SLC35F4: variants seen among roughly 807,000 people sequenced by gnomAD.
SLC35F4 encodes the protein solute carrier family 35 member F4.
In SLC35F4, 24 loss-of-function variants were observed where a neutral mutation model predicts 44.2. That is an observed-to-expected ratio of 0.54 (90% CI 0.39 to 0.76). SLC35F4 has a LOEUF of 0.76. Among genes scored for constraint, SLC35F4 ranks in the 30% least tolerant of loss-of-function variants. The probability of loss-of-function intolerance (pLI) is 0.00; values close to 1 mark genes in which losing one functional copy is unlikely to be tolerated. For synonymous variants in SLC35F4, 238 were observed against 223.6 expected, an observed-to-expected ratio of 1.06 and a Z score of -0.57; for missense variants, 562 against 586.1, an observed-to-expected ratio of 0.96 and a Z score of 0.42.
intron 1 of SLC35F4, among the ~76,000 whole-genome samples, chr14:57,615,272 A>G (rs1165127227): frequency 6.6e-6 from 1 of 152,230 alleles, no homozygotes; most frequent in Non-Finnish European, 1.5e-5. Context: ...AGACATTTCC[A>G]GGAAATATCA....
At chr14:57,741,098 A>G (rs1200440788) in intron 1 of SLC35F4, among the ~76,000 whole-genome samples, 1 of 152,228 alleles carries the variant, frequency 6.6e-6, no homozygotes, top group Non-Finnish European at 1.5e-5. Flanking sequence ...ATCATCAAAG[A>G]CCAAAGGTAG....
chr14:57,620,672 C>T (rs1566693826), intron 1 of SLC35F4, among the ~76,000 whole-genome samples: 1 of 152,106 alleles, frequency 6.6e-6, no homozygotes, highest in Admixed American at 6.5e-5. Context: ...TCATAGATAG[C>T]TCTTATTATT....
intron 1 of SLC35F4, among the ~76,000 whole-genome samples, chr14:57,885,357 A>C (rs981836663): frequency 6.6e-6 from 1 of 152,188 alleles, no homozygotes; most frequent in Non-Finnish European, 1.5e-5. Flanking sequence ...CTATGGAAGA[A>C]GCTTAGAACA....
chr14:57,574,139 T>C (rs1258329802), intron 4 of SLC35F4, among the ~76,000 whole-genome samples: 1 of 152,198 alleles, frequency 6.6e-6, no homozygotes, highest in East Asian at 1.9e-4. Flanking sequence ...ATCCCCAAGA[T>C]ATGACCACAG....
intron 1 of SLC35F4, among the ~76,000 whole-genome samples, chr14:57,672,509 C>G (rs1400918821): frequency 6.6e-6 from 1 of 151,988 alleles, no homozygotes; most frequent in African/African-American, 2.4e-5. Context: ...CCTACTAAGC[C>G]CACAAAGATA....
intron 3 of SLC35F4, among the ~76,000 whole-genome samples, chr14:57,584,574 T>A (rs74687675): frequency 9.9e-5 from 15 of 152,162 alleles, no homozygotes; most frequent in African/African-American, 3.4e-4. Flanking sequence ...TCAGAGATAG[T>A]ATTTTCTGCT....
chr14:57,884,091 T>C (rs1888597392), intron 1 of SLC35F4, among the ~76,000 whole-genome samples: 1 of 152,192 alleles, frequency 6.6e-6, no homozygotes, highest in South Asian at 2.1e-4. Context: ...TTGTACTAAA[T>C]TTTCTAAATT....
chr14:57,650,677 C>T (rs1333897528), intron 1 of SLC35F4, among the ~76,000 whole-genome samples: 2 of 152,174 alleles, frequency 1.3e-5, no homozygotes, highest in African/African-American at 4.8e-5. Flanking sequence ...ATACCATTCT[C>T]CTGCTTAGAT....
intron 1 of SLC35F4, among the ~76,000 whole-genome samples, chr14:57,796,948 C>A (rs1376718174): frequency 6.6e-6 from 1 of 152,208 alleles, no homozygotes; most frequent in Non-Finnish European, 1.5e-5. Flanking sequence ...GGTGAATGTG[C>A]TCTTGCCACT....
intron 1 of SLC35F4, among the ~76,000 whole-genome samples, chr14:57,811,447 C>G (rs1169081114): frequency 6.6e-6 from 1 of 152,228 alleles, no homozygotes; most frequent in East Asian, 1.9e-4. Flanking sequence ...TTAACAGATA[C>G]TGAACAAATA....
At chr14:57,636,451 C>A (rs1166458024) in intron 1 of SLC35F4, among the ~76,000 whole-genome samples, 1 of 152,094 alleles carries the variant, frequency 6.6e-6, no homozygotes, top group East Asian at 1.9e-4. Flanking sequence ...ATATACCCCA[C>A]TCCATGTTAT....
chr14:57,663,991 A>G (rs1044426886), intron 1 of SLC35F4, among the ~76,000 whole-genome samples: 7 of 138,882 alleles, frequency 5.0e-5, no homozygotes, highest in African/African-American at 1.9e-4. Flanking sequence ...TTGGATGTTC[A>G]GTTTTCATTG....
At position 57,564,231 on chromosome 14, in the gene SLC35F4, C is replaced by A; in HGVS notation, c.1362G>T (p.Lys454Asn). Residue 454 changes from lysine (K) to asparagine (N), a missense_variant, in exon 8 of 8, where the codon AAG becomes AAT. Transcript: ENST00000556826. ...CATCATCCACATGCTCCTCACTCTT[C>A]TTTTCCTTCAGGCTGTTGATGAACC... is the stretch of plus-strand genomic sequence containing the variant. ...TLRFINSLKE[K>N]KSEEHVDDVT... The A allele has an allele frequency of 6.2e-7, 1 of 1,613,594 alleles. No homozygotes were observed. Among genetic ancestry groups the A allele is most frequent in the Non-Finnish European group, 8.5e-7 (1 of 1,179,778 alleles).
intron 1 of SLC35F4, among the ~76,000 whole-genome samples, chr14:57,735,050 A>G (rs1594915574): frequency 6.6e-6 from 1 of 152,102 alleles, no homozygotes; most frequent in East Asian, 1.9e-4. Context: ...CTTCCTAGCA[A>G]TTCCTGCCAC....
At chr14:57,820,144 A>G (rs529487795) in intron 1 of SLC35F4, among the ~76,000 whole-genome samples, 90 of 152,338 alleles carry the variant, frequency 5.9e-4, no homozygotes, top group African/African-American at 2.1e-3. Flanking sequence ...AATCCTACAC[A>G]TGAAAAATAA....
intron 1 of SLC35F4, among the ~76,000 whole-genome samples, chr14:57,664,680 G>A (rs1360724686): frequency 6.6e-6 from 1 of 152,076 alleles, no homozygotes; most frequent in Admixed American, 6.6e-5. Flanking sequence ...CAAAGTGCTG[G>A]GATTACAGGC....
chr14:57,589,395 C>A lies in SLC35F4; in HGVS notation c.408G>T (p.Leu136Phe). The change falls in exon 3 of 8, where the codon TTG (leucine) becomes TTT (phenylalanine). Residue 136 changes from leucine to phenylalanine, a missense_variant. Physicochemically the swap from Leu to Phe is conservative, Grantham distance 22. Transcript: ENST00000556826. ...TTCCAACCCAAGATGATGATACTGA[C>A]AAGATGATCAAGAGTCCCCAGATGC... ...LKGIWGLLII[L>F]SVSSSWVGTT... The A allele has an allele frequency of 6.2e-7, 1 of 1,613,928 alleles. No individual in the cohort carries two copies. The highest frequency in any genetic ancestry group is 1.1e-5 in the South Asian group (1 of 91,076).
chr14:57,973,642 A>G (rs1881120355), downstream of SLC35F4, among the ~76,000 whole-genome samples: 1 of 152,090 alleles, frequency 6.6e-6, no homozygotes. Flanking sequence ...GACATTAGAG[A>G]GTCTTAATTT....
chr14:57,653,318 C>T (rs891778445), intron 1 of SLC35F4, among the ~76,000 whole-genome samples: 3 of 152,072 alleles, frequency 2.0e-5, no homozygotes, highest in African/African-American at 4.8e-5. Flanking sequence ...AGTCAAATCT[C>T]GCTGGGGAAA....
Sources: allele counts gnomAD v4.1 joint callset (sites outside exome capture counted in the v4.1 genomes callset), GRCh38; gene constraint gnomAD v4.1.1; transcripts MANE v1.5; gene names NCBI Gene and HGNC (gene_info 2026-07-23, HGNC 2026-07-21).